Variants in TBCK observed in about 807,000 individuals in gnomAD.
The protein encoded by TBCK is TBC1 domain containing kinase.
A neutral mutation model predicts 113.4 loss-of-function variants in TBCK; 99 were observed. That is an observed-to-expected ratio of 0.87 (90% CI 0.74 to 1.03). TBCK has a LOEUF of 1.03. Ranked by LOEUF, TBCK falls within the 50% of genes least tolerant of loss-of-function variation. The pLI is 0.00. For synonymous variants in TBCK, 369 were observed against 370.8 expected, an observed-to-expected ratio of 1.00 and a Z score of 0.05; for missense variants, 1,045 against 1,061.3, an observed-to-expected ratio of 0.98 and a Z score of 0.21.
At position 106,112,150 on chromosome 4, in the gene TBCK, C is replaced by T. The variant is rs147899531; in HGVS notation, c.2411+4053G>A. Among the ~76,000 whole-genome samples, 317 of 152,288 alleles carry T rather than the reference C, an allele frequency of 2.1e-3. 1 individual carries two copies. The highest frequency in any genetic ancestry group is 7.3e-3 in the African/African-American group (302 of 41,558). On this transcript the variant is annotated intron_variant, in intron 24 of 25. Coordinates refer to ENST00000394708, the MANE Select transcript of TBCK (RefSeq NM_001163435.3). ...ATACCGGGACTAAAACACTCTTTCC[C>T]TATATCCAGTTAGTCAGTAAAGTCA...
intron 23 of TBCK, among the ~76,000 whole-genome samples, chr4:106,117,571 T>C (rs1267918731): frequency 6.6e-6 from 1 of 152,210 alleles, no homozygotes; most frequent in East Asian, 1.9e-4. Context: ...CTAAGGGCTA[T>C]TTACAATTAT....
chr4:106,121,822 C>A (rs1744423113), intron 23 of TBCK, among the ~76,000 whole-genome samples: 1 of 151,982 alleles, frequency 6.6e-6, no homozygotes, highest in Non-Finnish European at 1.5e-5. Flanking sequence ...TTCTTTGAAA[C>A]CAACGAGAAC....
chr4:106,272,043 G>A (rs1341570462), intron 3 of TBCK, among the ~76,000 whole-genome samples: 4 of 152,218 alleles, frequency 2.6e-5, no homozygotes, highest in Middle Eastern at 3.4e-3. Flanking sequence ...TTTGAGAACC[G>A]CTGTCGTAGA....
At chr4:106,250,274 A>G in intron 7 of TBCK, 144 bp downstream of exon 7, 1 of 532,968 alleles carries the variant, frequency 1.9e-6, no homozygotes, top group South Asian at 2.8e-5. Context: ...TCTGCTGATC[A>G]TTACCACTGA....
chr4:106,147,892 A>G (rs1287754097), intron 23 of TBCK, among the ~76,000 whole-genome samples: 1 of 152,206 alleles, frequency 6.6e-6, no homozygotes, highest in Non-Finnish European at 1.5e-5. Flanking sequence ...AGCAAATGGG[A>G]GAAATATTGC....
intron 1 of TBCK, among the ~76,000 whole-genome samples, chr4:106,313,788 A>G (rs1768445675): frequency 6.6e-6 from 1 of 152,196 alleles, no homozygotes; most frequent in South Asian, 2.1e-4. Flanking sequence ...TCAGTGAAGA[A>G]AGCACATCCA....
intron 23 of TBCK, among the ~76,000 whole-genome samples, chr4:106,158,118 T>C (rs934024923): frequency 2.0e-5 from 3 of 152,176 alleles, no homozygotes; most frequent in Admixed American, 6.5e-5. Context: ...TTTTAGACCA[T>C]GTTAGAAGTT....
intron 3 of TBCK, among the ~76,000 whole-genome samples, chr4:106,268,780 T>C (rs1000459181): frequency 1.3e-5 from 2 of 152,112 alleles, no homozygotes; most frequent in Non-Finnish European, 2.9e-5. Context: ...TCAGCTCTTT[T>C]AGGTATCTGC....
intron 1 of TBCK, 117 bp from the exon 2 acceptor site, chr4:106,309,106 A>G (rs1767874787): frequency 1.8e-6 from 1 of 569,524 alleles, no homozygotes; most frequent in Non-Finnish European, 3.0e-6. Context: ...CACAGTAAAA[A>G]TATCAAAGTA....
chr4:106,183,703 A>T (rs1752671145), intron 22 of TBCK, among the ~76,000 whole-genome samples: 2 of 152,082 alleles, frequency 1.3e-5, no homozygotes, highest in African/African-American at 2.4e-5. Flanking sequence ...AAAAACACTA[A>T]AGAAAGTTGG....
intron 23 of TBCK, 133 bp downstream of exon 23, chr4:106,170,962 A>C: frequency 1.5e-6 from 1 of 650,354 alleles, no homozygotes; most frequent in South Asian, 3.6e-5. Context: ...CTATGAATCA[A>C]ATCATGTGTT....
chr4:106,295,490 A>T (rs1448000332), intron 2 of TBCK, among the ~76,000 whole-genome samples: 1 of 152,202 alleles, frequency 6.6e-6, no homozygotes, highest in Non-Finnish European at 1.5e-5. Context: ...GAAGTAAAAG[A>T]TTAGATGAAT....
chr4:106,305,161 T>A (rs1767377693), intron 2 of TBCK, among the ~76,000 whole-genome samples: 1 of 152,174 alleles, frequency 6.6e-6, no homozygotes, highest in Non-Finnish European at 1.5e-5. Context: ...CTTTTTTACA[T>A]CTTCACCTTG....
At position 106,141,142 on chromosome 4, in the gene TBCK, A is replaced by G. The variant is rs1203730309; in HGVS notation, c.2236-24764T>C. Among the ~76,000 whole-genome samples, 4 of 140,858 alleles carry G rather than the reference A, an allele frequency of 2.8e-5. 1 individual carries two copies. 92.4% of individuals were successfully genotyped at this position (140,858 alleles called of 152,430 possible). Reference sequence around the variant, plus strand: ...TAAGTGTAAGATAAAGATGTCCACCATTACCATTGTTATTTAATATTGTTC... The same window carrying G: ...TAAGTGTAAGATAAAGATGTCCACCGTTACCATTGTTATTTAATATTGTTC... On this transcript the variant is annotated intron_variant, in intron 23 of 25. Transcript: ENST00000394708.
intron 24 of TBCK, among the ~76,000 whole-genome samples, chr4:106,114,602 G>A (rs569664001): frequency 6.6e-6 from 1 of 152,206 alleles, no homozygotes; most frequent in East Asian, 1.9e-4. Flanking sequence ...CTTTTTCACT[G>A]GATACCTGCG....
chr4:106,264,455 G>A (rs1762799047), intron 3 of TBCK, among the ~76,000 whole-genome samples: 1 of 152,008 alleles, frequency 6.6e-6, no homozygotes, highest in Non-Finnish European at 1.5e-5. Context: ...AATGAGCAAA[G>A]ATTAAAGTGA....
chr4:106,157,691 A>C (rs1045470107), intron 23 of TBCK, among the ~76,000 whole-genome samples: 1 of 152,090 alleles, frequency 6.6e-6, no homozygotes, highest in Non-Finnish European at 1.5e-5. Flanking sequence ...GGTATTGGTG[A>C]TTCAAGACTG....
chr4:106,260,069 TGA>T (rs1762360076), intron 5 of TBCK, among the ~76,000 whole-genome samples: 2 of 151,982 alleles, frequency 1.3e-5, no homozygotes, highest in Admixed American at 6.6e-5. Context: ...GAAAATAATG[TGA>T]GAGTGATGTT....
chr4:106,238,872 T>C (rs898309581), intron 12 of TBCK: 7 of 152,136 alleles, frequency 4.6e-5, no homozygotes, highest in Admixed American at 3.3e-4. Flanking sequence ...AATTATCTAA[T>C]ACTTGCAGGC....
Sources: allele counts gnomAD v4.1 joint callset (sites outside exome capture counted in the v4.1 genomes callset), GRCh38; gene constraint gnomAD v4.1.1; transcripts MANE v1.5; gene names NCBI Gene and HGNC (gene_info 2026-07-23, HGNC 2026-07-21).